The following KREMEN1 variants were observed in gnomAD, a reference collection of about 807,000 sequenced individuals.
KREMEN1 encodes kringle containing transmembrane protein 1.
In KREMEN1, 30 loss-of-function variants were observed where a neutral mutation model predicts 46.5. The observed-to-expected ratio is 0.65, with a 90% CI of 0.48 to 0.88. The LOEUF is 0.88. Among genes scored for constraint, KREMEN1 ranks in the 40% least tolerant of loss-of-function variants. The pLI is 0.00. For missense variants in KREMEN1, 533 were observed against 596.9 expected (o/e 0.89, Z 1.11); for synonymous variants, 214 against 230.6 (o/e 0.93, Z 0.65).
chr22:29,162,267 C>T (rs1406755984), intron 9 of KREMEN1, among the ~76,000 whole-genome samples: 1 of 152,124 alleles, frequency 6.6e-6, no homozygotes, highest in African/African-American at 2.4e-5. Flanking sequence ...GCAGAAAATG[C>T]TTTCAATAAA....
chr22:29,116,882 C>T (rs1156754865), intron 3 of KREMEN1, among the ~76,000 whole-genome samples: 8 of 152,118 alleles, frequency 5.3e-5, no homozygotes, highest in Admixed American at 4.6e-4. Context: ...AAGCCAGGCC[C>T]CTCCACCCCC....
At chr22:29,129,429 G>C (rs959852333) in intron 5 of KREMEN1, among the ~76,000 whole-genome samples, 2 of 152,064 alleles carry the variant, frequency 1.3e-5, no homozygotes, top group Non-Finnish European at 2.9e-5. Context: ...ATGACTCATT[G>C]AACAAGGCTG....
intron 3 of KREMEN1, among the ~76,000 whole-genome samples, chr22:29,105,759 T>C (rs574770469): frequency 2.0e-5 from 3 of 152,272 alleles, no homozygotes; most frequent in East Asian, 3.9e-4. Flanking sequence ...TTCCCACTTT[T>C]AACCTATGAG....
chr22:29,138,630 A>G lies in KREMEN1; in HGVS notation c.971A>G (p.Lys324Arg). ...QGFAVLYQAVKEELPQERPAV... is the reference protein window; with the variant it reads ...QGFAVLYQAVREELPQERPAV... ...ATTGCTTTTTCTCTTCCAGCCGTCAAGGAAGAACTGCCACAGGAGAGGCCC... is the reference window on the plus strand; with the variant it reads ...ATTGCTTTTTCTCTTCCAGCCGTCAGGGAAGAACTGCCACAGGAGAGGCCC... Residue 324 changes from lysine (K) to arginine (R), a missense_variant, in exon 7 of 9, where the codon AAG becomes AGG. Lys to Arg is a conservative substitution (Grantham distance 26). Coordinates refer to ENST00000400335, the MANE Select transcript of KREMEN1 (RefSeq NM_001039570.3). The G allele has an allele frequency of 6.2e-7, 1 of 1,614,220 alleles. No individual in the cohort carries two copies. Among genetic ancestry groups the G allele is most frequent in the Non-Finnish European group, 8.5e-7 (1 of 1,180,028 alleles).
chr22:29,125,644 G>A (rs949148917), intron 5 of KREMEN1, among the ~76,000 whole-genome samples: 8 of 152,148 alleles, frequency 5.3e-5, no homozygotes, highest in South Asian at 2.1e-4. Context: ...CATGCCAAAC[G>A]GTTTGAAGCA....
At chr22:29,116,216 G>C (rs1331202430) in intron 3 of KREMEN1, among the ~76,000 whole-genome samples, 1 of 152,228 alleles carries the variant, frequency 6.6e-6, no homozygotes, top group Non-Finnish European at 1.5e-5. Context: ...CTAGATTAGA[G>C]TAGGGTAAGC....
intron 5 of KREMEN1, among the ~76,000 whole-genome samples, chr22:29,127,040 G>A (rs539272057): frequency 1.3e-5 from 2 of 152,300 alleles, no homozygotes; most frequent in African/African-American, 4.8e-5. Context: ...CTGTAACTCA[G>A]GAGAGTAAGT....
Position 29,105,470 on chromosome 22 carries a change from CACACACAT to C in KREMEN1, c.352+6525_352+6532del, listed in dbSNP as rs1307488295. ...GCATGAGCGTGCGTGTGCGCACACACACACACATACACACACACACACACACACACACA... is the reference window on the plus strand; with the variant it reads ...GCATGAGCGTGCGTGTGCGCACACACACACACACACACACACACACACACA... On this transcript the variant is annotated intron_variant, in intron 3 of 8. Coordinates refer to ENST00000400335, the MANE Select transcript of KREMEN1 (RefSeq NM_001039570.3). Among the ~76,000 whole-genome samples, 491 of 121,052 alleles carry C rather than the reference CACACACAT, an allele frequency of 4.1e-3. 3 individuals carry two copies. The highest frequency in any genetic ancestry group is 0.017 in the African/African-American group (471 of 28,508). The allele number at this position is 121,052 out of a possible 152,430, so 79.4% of individuals were successfully genotyped here. A position where few individuals can be genotyped will look rare whatever the true frequency, so the allele number is the denominator to read the frequency against.
chr22:29,112,291 C>T (rs2038164752), intron 3 of KREMEN1, among the ~76,000 whole-genome samples: 1 of 152,114 alleles, frequency 6.6e-6, no homozygotes, highest in Non-Finnish European at 1.5e-5. Context: ...TGTGAGGCAG[C>T]TGTGGCCAGA....
chr22:29,115,548 C>T (rs150611517), intron 3 of KREMEN1, among the ~76,000 whole-genome samples: 25 of 152,146 alleles, frequency 1.6e-4, no homozygotes, highest in African/African-American at 5.1e-4. Flanking sequence ...GCTTTGTGAC[C>T]GGGACCACTC....
chr22:29,089,425 G>A (rs1319767568), intron 1 of KREMEN1, among the ~76,000 whole-genome samples: 2 of 151,926 alleles, frequency 1.3e-5, no homozygotes, highest in African/African-American at 4.8e-5. Context: ...AAATATATCT[G>A]GAATCGGTCC....
intron 8 of KREMEN1, among the ~76,000 whole-genome samples, chr22:29,141,734 G>A (rs904440199): frequency 6.6e-6 from 1 of 152,212 alleles, no homozygotes; most frequent in Non-Finnish European, 1.5e-5. Flanking sequence ...TTATTCTGAT[G>A]CAGACGCTGC....
At chr22:29,083,232 G>A (rs2037683533) in intron 1 of KREMEN1, among the ~76,000 whole-genome samples, 1 of 152,122 alleles carries the variant, frequency 6.6e-6, no homozygotes, top group African/African-American at 2.4e-5. Context: ...AGAGATAGAT[G>A]CTTTACATCA....
chr22:29,153,569 G>A (rs1454365767), intron 9 of KREMEN1, among the ~76,000 whole-genome samples: 3 of 152,010 alleles, frequency 2.0e-5, no homozygotes, highest in African/African-American at 7.3e-5. Flanking sequence ...ATGTTGCCCA[G>A]GTTAGTCTTG....
chr22:29,121,477 TC>T lies in KREMEN1; in HGVS notation c.474del (p.Phe158LeufsTer124). Reference protein sequence around the residue: ...TCISFCRSQRFKFAGMESGYA... With the variant: ...TCISFCRSQRXKFAGMESGYA... ...ATCAGTTTTTGTCGGAGTCAGAGGT[TC>T]AAGGTGATGACTCTGTGGCTGTGTA... On this transcript the variant is annotated frameshift_variant, in exon 4 of 9. Coordinates refer to ENST00000400335, the MANE Select transcript of KREMEN1 (RefSeq NM_001039570.3). LOFTEE classifies it high-confidence loss of function. 6.2e-7 allele frequency: 1 copy of T among 1,614,056 alleles called. No homozygotes were observed. Among genetic ancestry groups the T allele is most frequent in the Non-Finnish European group, 8.5e-7 (1 of 1,179,928 alleles).
At chr22:29,112,356 C>G (rs570789022) in intron 3 of KREMEN1, among the ~76,000 whole-genome samples, 1 of 152,126 alleles carries the variant, frequency 6.6e-6, no homozygotes, top group African/African-American at 2.4e-5. Flanking sequence ...AGCAGATGCT[C>G]TGAGAAGGTG....
At chr22:29,095,639 C>T (rs192604652) in intron 2 of KREMEN1, among the ~76,000 whole-genome samples, 4 of 152,300 alleles carry the variant, frequency 2.6e-5, no homozygotes, top group Admixed American at 6.5e-5. Flanking sequence ...GCACTGTTGA[C>T]GCAGCTGAGC....
chr22:29,162,914 ATAC>A (rs527546759), intron 9 of KREMEN1, among the ~76,000 whole-genome samples: 133 of 152,334 alleles, frequency 8.7e-4, no homozygotes, highest in Non-Finnish European at 1.4e-3. Flanking sequence ...ACATTGTGGA[ATAC>A]TACATAATCA....
intron 4 of KREMEN1, among the ~76,000 whole-genome samples, chr22:29,122,739 A>G (rs1279053805): frequency 6.6e-6 from 1 of 152,086 alleles, no homozygotes; most frequent in Non-Finnish European, 1.5e-5. Flanking sequence ...GGAGTTGGAG[A>G]CCAGCCTGAC....
Sources: allele counts gnomAD v4.1 joint callset (sites outside exome capture counted in the v4.1 genomes callset), GRCh38; gene constraint gnomAD v4.1.1; transcripts MANE v1.5; gene names NCBI Gene and HGNC (gene_info 2026-07-23, HGNC 2026-07-21).